The following WDHD1 variants were observed in gnomAD, a reference collection of about 807,000 sequenced individuals.
The protein encoded by WDHD1 is WD repeat and HMG-box DNA binding protein 1, also known as WD repeat and HMG-box DNA-binding protein 1.
Under a neutral mutation model 135.4 loss-of-function variants are expected in WDHD1, and 111 were observed. The ratio of observed to expected loss-of-function variants is 0.82; its 90% CI spans 0.70 to 0.96. WDHD1 has a LOEUF of 0.96. Among genes scored for constraint, WDHD1 ranks in the 40% least tolerant of loss-of-function variants. WDHD1 has a pLI of 0.00. For synonymous variants in WDHD1, 434 were observed against 439.0 expected, an observed-to-expected ratio of 0.99 and a Z score of 0.14; for missense variants, 1,351 against 1,336.3, an observed-to-expected ratio of 1.01 and a Z score of -0.17.
In WDHD1 at chr14:54,940,563, A is replaced by T. The variant is rs559466643; in HGVS notation, c.*927T>A. 1 of 152,298 alleles carries T rather than the reference A, an allele frequency of 6.6e-6. No homozygotes were observed. The highest frequency in any genetic ancestry group is 1.9e-4 in the East Asian group (1 of 5,190). 9.4% of individuals were successfully genotyped at this position (152,298 alleles called of 1,614,324 possible). A position where few individuals can be genotyped will look rare whatever the true frequency, so the allele number is the denominator to read the frequency against. Reference sequence around the variant, plus strand: ...GCTGCATTTGTATTAGTCTCTGCTTAGAAAACCAAAAATGTATGACATGAT... The same window carrying T: ...GCTGCATTTGTATTAGTCTCTGCTTTGAAAACCAAAAATGTATGACATGAT... On this transcript the variant is annotated 3_prime_UTR_variant, in exon 26 of 26. Coordinates refer to ENST00000360586, the MANE Select transcript of WDHD1 (RefSeq NM_007086.4).
chr14:54,966,148 G>A (rs2041337703), intron 18 of WDHD1, among the ~76,000 whole-genome samples: 2 of 110,178 alleles, frequency 1.8e-5, no homozygotes, highest in Admixed American at 1.2e-4. Flanking sequence ...CCAACATAGG[G>A]AAACCCCATC....
At chr14:54,953,594 C>T (rs2041099725) in intron 24 of WDHD1, among the ~76,000 whole-genome samples, 1 of 152,134 alleles carries the variant, frequency 6.6e-6, no homozygotes, top group African/African-American at 2.4e-5. Flanking sequence ...ACTAGAAATA[C>T]CATTTGACCC....
intron 2 of WDHD1, among the ~76,000 whole-genome samples, chr14:55,026,370 G>A (rs1001288806): frequency 2.0e-5 from 3 of 152,116 alleles, no homozygotes; most frequent in African/African-American, 4.8e-5. Flanking sequence ...GGCATGGAAG[G>A]ATATCATTCC....
chr14:54,962,975 A>T lies in WDHD1; in HGVS notation c.2508T>A (p.Asp836Glu). The change falls in exon 19 of 26, where the codon GAT (aspartate) becomes GAA (glutamate). Residue 836 changes from aspartate to glutamate, a missense_variant. Physicochemically the swap from Asp to Glu is conservative, Grantham distance 45 (BLOSUM62 2). This residue lies in a region of WDHD1 where 1,330 missense variants were observed against 1,296.1 expected (regional missense o/e 1.03). Transcript: ENST00000360586. ...ACCCAGCATTCAGCTTTTTTCTGAA[A>T]TCTTCTTCTTCTTCTTCCTCTTCCA... The part of the protein sequence containing the change: ...TQVEEEEEEE[D>E]FRKKLNAGYS... 1 of 1,613,716 alleles carries T rather than the reference A, an allele frequency of 6.2e-7. No homozygotes were observed. The highest frequency in any genetic ancestry group is 8.5e-7 in the Non-Finnish European group (1 of 1,179,836).
intron 15 of WDHD1, among the ~76,000 whole-genome samples, chr14:54,982,015 T>A (rs536077052): frequency 3.4e-5 from 5 of 148,682 alleles, no homozygotes; most frequent in Non-Finnish European, 7.4e-5. Flanking sequence ...ATTATTATTA[T>A]TTTTTTTTTC....
intron 13 of WDHD1, among the ~76,000 whole-genome samples, chr14:54,987,856 A>G (rs2041718617): frequency 6.6e-6 from 1 of 152,104 alleles, no homozygotes; most frequent in Non-Finnish European, 1.5e-5. Flanking sequence ...CAAACTCTTG[A>G]GCTCAGGTCA....
Position 54,984,740 on chromosome 14 carries a change from A to G in WDHD1, c.1889T>C (p.Ile630Thr), listed in dbSNP as rs765895245. The G allele has an allele frequency of 1.9e-6, 3 of 1,609,476 alleles. 1 individual carries two copies. In the South Asian group the frequency reaches 3.3e-5, roughly 18 times the overall value. ...PLTRKSYLAW[I>T]GFSAEGTPCY... ...TATCTTGCCTTCAGCTGAAAACCCAATCCATGCAAGGTAGGATTTCCTTGT... is the reference window on the plus strand; with the variant it reads ...TATCTTGCCTTCAGCTGAAAACCCAGTCCATGCAAGGTAGGATTTCCTTGT... Residue 630 changes from isoleucine (I) to threonine (T), a missense_variant, in exon 15 of 26, where the codon ATT (isoleucine) becomes ACT (threonine). Ile to Thr is a moderately conservative substitution (Grantham distance 89). Coordinates refer to ENST00000360586, the MANE Select transcript of WDHD1 (RefSeq NM_007086.4).
chr14:54,993,448 C>T (rs751734336), intron 11 of WDHD1, among the ~76,000 whole-genome samples: 74 of 152,072 alleles, frequency 4.9e-4, no homozygotes, highest in Non-Finnish European at 7.2e-4. Context: ...ATAACAGAGC[C>T]GTAAGAGTTC....
chr14:54,940,070 T>C lies in WDHD1; in HGVS notation c.*1420A>G, dbSNP rs1160132038. The C allele has an allele frequency of 6.6e-6, 1 of 151,118 alleles. No individual in the cohort carries two copies. Among genetic ancestry groups the C allele is most frequent in the Non-Finnish European group, 1.5e-5 (1 of 68,036 alleles). 9.4% of individuals were successfully genotyped at this position (151,118 alleles called of 1,614,324 possible). A position where few individuals can be genotyped will look rare whatever the true frequency, so the allele number is the denominator to read the frequency against. On this transcript the variant is annotated 3_prime_UTR_variant, in exon 26 of 26. Transcript: ENST00000360586. ...GATGAAATAACCAACAGCATCATCA[T>C]TATCAGAATAGTAACTAACATTTAT...
chr14:55,023,033 G>A (rs2042375819), intron 2 of WDHD1, among the ~76,000 whole-genome samples: 3 of 151,778 alleles, frequency 2.0e-5, no homozygotes, highest in South Asian at 2.1e-4. Flanking sequence ...AACACGTTGG[G>A]CATGCTCTGA....
At chr14:55,011,601 A>T (rs1349624214) in intron 3 of WDHD1, among the ~76,000 whole-genome samples, 1 of 150,106 alleles carries the variant, frequency 6.7e-6, no homozygotes, top group Non-Finnish European at 1.5e-5. Flanking sequence ...ATCTCCATTA[A>T]CATTTTGGGG....
chr14:55,015,318 C>G (rs1191346569), intron 2 of WDHD1, among the ~76,000 whole-genome samples: 1 of 128,540 alleles, frequency 7.8e-6, no homozygotes, highest in Non-Finnish European at 1.5e-5. Flanking sequence ...ACCCAGGAAG[C>G]AGAGGATGCA....
chr14:54,987,096 C>T (rs755088406), intron 14 of WDHD1, 50 bp downstream of exon 14: 2 of 1,595,248 alleles, frequency 1.3e-6, no homozygotes, highest in Admixed American at 1.8e-5. Flanking sequence ...CAAAAAAGCT[C>T]AAGTAATTTC....
chr14:54,962,963 C>A lies in WDHD1; in HGVS notation c.2520G>T (p.Lys840Asn), dbSNP rs779686451. ...EEEEEEDFRK[K>N]LNAGYSNTAT... is the part of the protein sequence containing the mutation. Reference sequence around the variant, plus strand: ...AAATTATTTCTTACCCAGCATTCAGCTTTTTTCTGAAATCTTCTTCTTCTT... The same window carrying A: ...AAATTATTTCTTACCCAGCATTCAGATTTTTTCTGAAATCTTCTTCTTCTT... The change falls in exon 19 of 26, where the codon AAG becomes AAT. Residue 840 changes from lysine to asparagine, a missense_variant. Lys to Asn is a moderately conservative substitution (Grantham distance 94, BLOSUM62 0). Coordinates refer to ENST00000360586, the MANE Select transcript of WDHD1 (RefSeq NM_007086.4). 1 of 1,613,880 alleles carries A rather than the reference C, an allele frequency of 6.2e-7. No homozygotes were observed. Among genetic ancestry groups the A allele is most frequent in the Non-Finnish European group, 8.5e-7 (1 of 1,179,978 alleles).
intron 15 of WDHD1, among the ~76,000 whole-genome samples, chr14:54,983,232 G>C (rs2041646289): frequency 6.6e-6 from 1 of 151,938 alleles, no homozygotes; most frequent in Non-Finnish European, 1.5e-5. Flanking sequence ...CAAATCATCT[G>C]TCATAAGCCT....
intron 24 of WDHD1, among the ~76,000 whole-genome samples, chr14:54,947,286 C>A (rs987957132): frequency 2.0e-5 from 3 of 151,842 alleles, no homozygotes; most frequent in Admixed American, 2.0e-4. Context: ...TGCAGTGAGC[C>A]GAGATTGTGC....
intron 2 of WDHD1, among the ~76,000 whole-genome samples, chr14:55,021,662 A>AG (rs1377642762): frequency 6.6e-6 from 1 of 152,204 alleles, no homozygotes; most frequent in Non-Finnish European, 1.5e-5. Flanking sequence ...CTGGGATTAC[A>AG]GGTGTGAGCC....
At chr14:54,977,034 A>G (rs1275025437) in intron 16 of WDHD1, among the ~76,000 whole-genome samples, 1 of 152,014 alleles carries the variant, frequency 6.6e-6, no homozygotes, top group Non-Finnish European at 1.5e-5. Context: ...CTTTCAATCT[A>G]CTTATCAGCT....
chr14:54,946,985 G>A (rs1340994951), intron 24 of WDHD1, among the ~76,000 whole-genome samples: 1 of 151,776 alleles, frequency 6.6e-6, no homozygotes, highest in African/African-American at 2.4e-5. Flanking sequence ...GGAGGTTGCA[G>A]TGAGCTGAGA....
Sources: allele counts gnomAD v4.1 joint callset (sites outside exome capture counted in the v4.1 genomes callset), GRCh38; gene constraint gnomAD v4.1.1; regional missense constraint gnomAD v4.1.1; transcripts MANE v1.5; gene names NCBI Gene and HGNC (gene_info 2026-07-23, HGNC 2026-07-21).